ANKFN1: variants seen among roughly 807,000 people sequenced by gnomAD.
ANKFN1 encodes ankyrin repeat and fibronectin type III domain containing 1.
ANKFN1 carries 74 observed loss-of-function variants against 108.7 expected under a neutral mutation model. The ratio of observed to expected loss-of-function variants is 0.68; its 90% CI spans 0.56 to 0.83. ANKFN1 has a LOEUF of 0.83. ANKFN1 is among the 40% of genes least tolerant of loss of function. The pLI, the probability that ANKFN1 is intolerant of heterozygous loss-of-function variation, is 0.00. For missense variants in ANKFN1, 1,505 were observed against 1,382.3 expected (o/e 1.09, Z -1.41); for synonymous variants, 547 against 516.2 (o/e 1.06, Z -0.81).
intron 8 of ANKFN1, among the ~76,000 whole-genome samples, chr17:56,434,535 T>C (rs1386606190): frequency 6.6e-6 from 1 of 152,184 alleles, no homozygotes; most frequent in Non-Finnish European, 1.5e-5. Flanking sequence ...ACAATAAAGA[T>C]TCTTGTTTGA....
At chr17:56,427,191 A>G (rs577653388) in intron 8 of ANKFN1, among the ~76,000 whole-genome samples, 2 of 152,280 alleles carry the variant, frequency 1.3e-5, no homozygotes, top group Admixed American at 1.3e-4. Flanking sequence ...TTTGTTCCCA[A>G]GTCTTCCATC....
At chr17:56,283,236 A>G (rs1051155243) in intron 3 of ANKFN1, among the ~76,000 whole-genome samples, 3 of 152,128 alleles carry the variant, frequency 2.0e-5, no homozygotes, top group African/African-American at 7.2e-5. Flanking sequence ...TTCACTTAGT[A>G]TAATGGTCTC....
intron 3 of ANKFN1, among the ~76,000 whole-genome samples, chr17:56,284,984 T>C (rs2044177780): frequency 6.6e-6 from 1 of 152,190 alleles, no homozygotes; most frequent in Non-Finnish European, 1.5e-5. Flanking sequence ...GAATGAGCCA[T>C]GTAAAATATA....
intron 4 of ANKFN1, among the ~76,000 whole-genome samples, chr17:56,056,867 C>T (rs1904889613): frequency 1.3e-5 from 2 of 152,220 alleles, no homozygotes; most frequent in African/African-American, 4.8e-5. Flanking sequence ...CATTGTTTGA[C>T]TTTGACTCTC....
intron 4 of ANKFN1, among the ~76,000 whole-genome samples, chr17:56,132,170 A>C (rs1367184285): frequency 6.6e-6 from 1 of 152,174 alleles, no homozygotes; most frequent in Non-Finnish European, 1.5e-5. Context: ...GCAAACAAAA[A>C]CCCACATCTT....
chr17:56,421,910 A>AG (rs1156886376), intron 8 of ANKFN1, among the ~76,000 whole-genome samples: 3 of 152,172 alleles, frequency 2.0e-5, no homozygotes, highest in Non-Finnish European at 4.4e-5. Flanking sequence ...ACACGAGCTA[A>AG]GGGGGGATAT....
At chr17:56,250,692 G>T (rs1341840098) in intron 3 of ANKFN1, among the ~76,000 whole-genome samples, 1 of 152,074 alleles carries the variant, frequency 6.6e-6, no homozygotes, top group Non-Finnish European at 1.5e-5. Context: ...AGGAAATATG[G>T]TGTTCAGCCC....
chr17:56,162,462 G>A (rs1166145339), intron 1 of ANKFN1, among the ~76,000 whole-genome samples: 1 of 152,118 alleles, frequency 6.6e-6, no homozygotes, highest in Non-Finnish European at 1.5e-5. Flanking sequence ...TCTTCGTGTG[G>A]TCCTTCTTCC....
intron 6 of ANKFN1, among the ~76,000 whole-genome samples, chr17:56,356,821 G>T (rs16957115): frequency 0.028 from 4,261 of 152,150 alleles, 204 homozygotes; most frequent in African/African-American, 0.099. Flanking sequence ...CATTCTACAG[G>T]AACAAGGAGA....
At chr17:56,447,346 T>C (rs969450573) in intron 10 of ANKFN1, among the ~76,000 whole-genome samples, 3 of 152,298 alleles carry the variant, frequency 2.0e-5, no homozygotes, top group Admixed American at 6.5e-5. Context: ...CCTGTGCCAA[T>C]TCCCTGTCTC....
At chr17:56,212,794 G>T (rs537458354) in intron 2 of ANKFN1, among the ~76,000 whole-genome samples, 115 bp downstream of exon 2, 1 of 152,158 alleles carries the variant, frequency 6.6e-6, no homozygotes, top group Admixed American at 6.5e-5. Context: ...ACCCAAAGGC[G>T]CAAACCACTC....
At chr17:56,298,312 T>G (rs2044572750) in intron 3 of ANKFN1, among the ~76,000 whole-genome samples, 1 of 152,242 alleles carries the variant, frequency 6.6e-6, no homozygotes, top group Non-Finnish European at 1.5e-5. Context: ...GTGAGATTTT[T>G]TCTGTATATT....
intron 11 of ANKFN1, among the ~76,000 whole-genome samples, chr17:56,456,588 G>A (rs1229075263): frequency 2.0e-5 from 3 of 151,768 alleles, no homozygotes; most frequent in African/African-American, 7.3e-5. Flanking sequence ...AGTAGAGACA[G>A]GGTTTCACCA....
At chr17:56,481,489 A>AACACAC (rs57493335) in intron 17 of ANKFN1, among the ~76,000 whole-genome samples, 98 of 149,052 alleles carry the variant, frequency 6.6e-4, no homozygotes, top group African/African-American at 1.6e-3. Context: ...CCCTCCCCAA[A>AACACAC]ACACACACAC....
chr17:56,152,718 T>A (rs1181105714), upstream of ANKFN1, among the ~76,000 whole-genome samples: 1 of 152,152 alleles, frequency 6.6e-6, no homozygotes, highest in Non-Finnish European at 1.5e-5. Flanking sequence ...AGGTGAGGAA[T>A]CAGGGTCCAA....
chr17:56,302,556 A>G (rs971773949), intron 3 of ANKFN1, among the ~76,000 whole-genome samples: 2 of 151,864 alleles, frequency 1.3e-5, no homozygotes, highest in South Asian at 2.1e-4. Context: ...GAGAGAAAAG[A>G]AGAAAGAAAA....
rs796775662 is a variant in ANKFN1 at position 56,490,133 on chromosome 17, G to C, written c.2261-2054G>C. Among the ~76,000 whole-genome samples, 41 of 152,278 alleles carry C rather than the reference G, an allele frequency of 2.7e-4. 1 individual carries two copies. Among genetic ancestry groups the C allele is most frequent in the African/African-American group, 9.9e-4 (41 of 41,556 alleles). ...TCAAGGACATAAAAATTAATAGGAG[G>C]CATAGTTCCTGCCCTCAAAGAAATC... On this transcript the variant is annotated intron_variant, in intron 18 of 20. Transcript: ENST00000682825.
Position 56,144,175 on chromosome 17 carries a change from A to C in ANKFN1, c.289-83742A>C, listed in dbSNP as rs1383289903. On this transcript the variant is annotated intron_variant, in intron 4 of 12. Transcript: ENST00000635860. ...GCATCTGAAAAAAAAAAAAAAAAAAAAAAAAAAAAACAGCCCAAACCAAAT... is the reference window on the plus strand; with the variant it reads ...GCATCTGAAAAAAAAAAAAAAAAAACAAAAAAAAAACAGCCCAAACCAAAT... Among the ~76,000 whole-genome samples the C allele has an allele frequency of 2.2e-4, 27 of 121,180 alleles. No individual in the cohort carries two copies. The East Asian group carries it at 6.7e-3, about 30-fold the overall frequency. 79.5% of individuals were successfully genotyped at this position (121,180 alleles called of 152,430 possible). A position where few individuals can be genotyped will look rare whatever the true frequency, so the allele number is the denominator to read the frequency against.
In ANKFN1 at chr17:56,096,901, G is replaced by A. The variant is rs140579080; in HGVS notation, c.288+50576G>A. On this transcript the variant is annotated intron_variant, in intron 4 of 12. Coordinates refer to the ANKFN1 transcript ENST00000635860. The stretch of plus-strand genomic sequence containing the variant: ...CAGTAAGCTGGATGAAGAAAATGTG[G>A]TACATATACACCATGGAATACTACG... Among the ~76,000 whole-genome samples, 1,226 of 152,254 alleles carry A rather than the reference G, an allele frequency of 8.1e-3. 21 individuals carry two copies. Among genetic ancestry groups the A allele is most frequent in the African/African-American group, 0.027 (1,133 of 41,532 alleles).
Sources: allele counts gnomAD v4.1 joint callset (sites outside exome capture counted in the v4.1 genomes callset), GRCh38; gene constraint gnomAD v4.1.1; transcripts MANE v1.5; gene names NCBI Gene and HGNC (gene_info 2026-07-23, HGNC 2026-07-21).